The following EPB41L5 variants were observed in gnomAD, a reference collection of about 807,000 sequenced individuals.
The protein encoded by EPB41L5 is erythrocyte membrane protein band 4.1 like 5.
In EPB41L5, 55 loss-of-function variants were observed where a neutral mutation model predicts 106.6. The ratio of observed to expected loss-of-function variants is 0.52; its 90% CI spans 0.42 to 0.65. EPB41L5 has a LOEUF of 0.65. Among genes scored for constraint, EPB41L5 ranks in the 30% least tolerant of loss-of-function variants. EPB41L5 has a pLI of 0.00. For synonymous variants in EPB41L5, 297 were observed against 306.7 expected (o/e 0.97, Z 0.33); for missense variants, 871 against 882.1 (o/e 0.99, Z 0.16).
intron 3 of EPB41L5, among the ~76,000 whole-genome samples, chr2:120,051,533 A>T (rs544754490): frequency 1.1e-4 from 16 of 152,148 alleles, no homozygotes; most frequent in Non-Finnish European, 1.2e-4. Context: ...GAGTTATCTG[A>T]TTTTTCCAGG....
At chr2:120,014,007 G>T (rs1472054454) in intron 1 of EPB41L5, among the ~76,000 whole-genome samples, 1 of 152,210 alleles carries the variant, frequency 6.6e-6, no homozygotes, top group Non-Finnish European at 1.5e-5. Flanking sequence ...AATATGCTGT[G>T]CAGGCTTTAG....
intron 16 of EPB41L5, 41 bp downstream of exon 16, chr2:120,100,855 T>TA: frequency 7.6e-7 from 1 of 1,319,474 alleles, no homozygotes; most frequent in Non-Finnish European, 1.1e-6. Context: ...ATTGCCTAGT[T>TA]AATTGTATTT....
At chr2:120,028,497 C>T (rs949623774) in intron 2 of EPB41L5, among the ~76,000 whole-genome samples, 1 of 152,124 alleles carries the variant, frequency 6.6e-6, no homozygotes, top group African/African-American at 2.4e-5. Context: ...GATCATCCCA[C>T]TGCACTCCCG....
At position 120,177,086 on chromosome 2, in the gene EPB41L5, G is replaced by A. The variant is rs576275830; in HGVS notation, c.*2179G>A. The A allele has an allele frequency of 6.6e-6, 1 of 152,400 alleles. No homozygotes were observed. The highest frequency in any genetic ancestry group is 2.4e-5 in the African/African-American group (1 of 41,586). The allele number at this position is 152,400 out of a possible 1,614,324, so 9.4% of individuals were successfully genotyped here. On this transcript the variant is annotated 3_prime_UTR_variant, in exon 25 of 25. Transcript: ENST00000263713. ...ACAGATTAAATGCGTGTTGGGGATTGGTTTCCTGTCATAGCTGCTGCTGCT... is the reference window on the plus strand; with the variant it reads ...ACAGATTAAATGCGTGTTGGGGATTAGTTTCCTGTCATAGCTGCTGCTGCT...
At chr2:120,064,983 G>T (rs1288043084) in intron 3 of EPB41L5, among the ~76,000 whole-genome samples, 1 of 152,182 alleles carries the variant, frequency 6.6e-6, no homozygotes, top group Non-Finnish European at 1.5e-5. Context: ...TGTGTTTGAT[G>T]CTTTATCTGA....
intron 3 of EPB41L5, among the ~76,000 whole-genome samples, chr2:120,065,293 AT>A (rs1330333029): frequency 1.4e-4 from 20 of 147,702 alleles, no homozygotes; most frequent in African/African-American, 3.0e-4. Context: ...TTAAAAAAAA[AT>A]TTTTTTTTTT....
chr2:120,078,525 A>G lies in EPB41L5; in HGVS notation c.747A>G (p.Leu249=), dbSNP rs766032836. 6 of 1,609,862 alleles carry G rather than the reference A, an allele frequency of 3.7e-6. No individual in the cohort carries two copies. The Admixed American group carries it at 5.0e-5, about 14-fold the overall frequency. The change falls in exon 10 of 25, where the codon CTA becomes CTG. Residue 249 remains leucine, a synonymous_variant. Coordinates refer to ENST00000263713, the MANE Select transcript of EPB41L5 (RefSeq NM_020909.4). ...ATGGGAATGACTATAGTTTGGGACT[A>G]ACACCAACAGGAGTCCTTGTTTTTG... is the stretch of plus-strand genomic sequence containing the variant. The part of the protein sequence containing the change: ...ARDGNDYSLG[L]TPTGVLVFEG...
chr2:120,087,676 A>G (rs1414682985), intron 11 of EPB41L5, among the ~76,000 whole-genome samples: 1 of 152,114 alleles, frequency 6.6e-6, no homozygotes, highest in Non-Finnish European at 1.5e-5. Flanking sequence ...ATTTGTAGAG[A>G]TGGGATCTCA....
At chr2:120,024,606 G>T (rs766836672) in intron 2 of EPB41L5, among the ~76,000 whole-genome samples, 20 of 152,150 alleles carry the variant, frequency 1.3e-4, no homozygotes, top group Non-Finnish European at 2.8e-4. Flanking sequence ...ACAGGTGCCT[G>T]CCACCACACC....
At chr2:120,138,397 G>A (rs1370218091) in intron 18 of EPB41L5, among the ~76,000 whole-genome samples, 1 of 151,828 alleles carries the variant, frequency 6.6e-6, no homozygotes, top group Non-Finnish European at 1.5e-5. Flanking sequence ...TGGAAAGGAA[G>A]AATTCAAATT....
At chr2:120,026,214 G>T (rs868613646) in intron 2 of EPB41L5, among the ~76,000 whole-genome samples, 1 of 152,092 alleles carries the variant, frequency 6.6e-6, no homozygotes, top group South Asian at 2.1e-4. Flanking sequence ...TATCGTAGTC[G>T]TACATATTTT....
At chr2:120,058,021 G>A (rs191261807) in intron 3 of EPB41L5, among the ~76,000 whole-genome samples, 496 of 152,188 alleles carry the variant, frequency 3.3e-3, no homozygotes, top group Middle Eastern at 6.8e-3. Flanking sequence ...AAAATCACAT[G>A]TTTACATGGA....
chr2:120,123,613 G>A (rs1685326978), intron 16 of EPB41L5, among the ~76,000 whole-genome samples: 1 of 148,530 alleles, frequency 6.7e-6, no homozygotes, highest in Non-Finnish European at 1.5e-5. Context: ...GTACAGTGGT[G>A]CAGTGGTGAA....
rs562028790 is a variant in EPB41L5, at chr2:120,036,637, A to G, written c.181-5369A>G. ...GCAAAGGCAGATGGAATAAAAAGAA[A>G]AGTCTAATAAATTTTCTAAAAGATA... On this transcript the variant is annotated intron_variant, in intron 2 of 24. Coordinates refer to ENST00000263713, the MANE Select transcript of EPB41L5 (RefSeq NM_020909.4). 3.0e-4 allele frequency among the ~76,000 whole-genome samples: 46 copies of G among 152,302 alleles called. No individual in the cohort carries two copies. The South Asian group carries it at 9.5e-3, about 32-fold the overall frequency.
intron 11 of EPB41L5, among the ~76,000 whole-genome samples, chr2:120,087,837 A>G (rs1031705722): frequency 6.6e-6 from 1 of 152,218 alleles, no homozygotes; most frequent in Non-Finnish European, 1.5e-5. Context: ...TAATAATAAT[A>G]AAGCCTTTTG....
intron 17 of EPB41L5, among the ~76,000 whole-genome samples, chr2:120,128,256 A>AACACACAC (rs3084679): frequency 0.023 from 3,401 of 145,402 alleles, 54 homozygotes; most frequent in South Asian, 0.037. Flanking sequence ...GGTGCTTTAA[A>AACACACAC]ACACACACAC....
At chr2:120,118,728 C>T (rs12995486) in intron 16 of EPB41L5, among the ~76,000 whole-genome samples, 96,735 of 152,068 alleles carry the variant, frequency 0.64, 32,116 homozygotes, top group Middle Eastern at 0.75. Context: ...GCAACATTTT[C>T]TTTATCCAGT....
At chr2:120,037,614 C>G (rs1204654982) in intron 2 of EPB41L5, among the ~76,000 whole-genome samples, 1 of 151,478 alleles carries the variant, frequency 6.6e-6, no homozygotes, top group Non-Finnish European at 1.5e-5. Context: ...ACCAGGAGTT[C>G]AAGACCAGGC....
At chr2:120,119,815 G>T (rs933192404) in intron 16 of EPB41L5, among the ~76,000 whole-genome samples, 1 of 152,048 alleles carries the variant, frequency 6.6e-6, no homozygotes, top group Non-Finnish European at 1.5e-5. Context: ...AATCAAATAC[G>T]TGTCTATTTG....
Sources: allele counts gnomAD v4.1 joint callset (sites outside exome capture counted in the v4.1 genomes callset), GRCh38; gene constraint gnomAD v4.1.1; transcripts MANE v1.5; gene names NCBI Gene and HGNC (gene_info 2026-07-23, HGNC 2026-07-21).